SORL1: variants seen among roughly 807,000 people sequenced by gnomAD.
SORL1 encodes sortilin related receptor 1, also known as sortilin-related receptor.
Under a neutral mutation model 273.7 loss-of-function variants are expected in SORL1, and 127 were observed. That is an observed-to-expected ratio of 0.46 (90% CI 0.40 to 0.54). The LOEUF is 0.54. Among genes scored for constraint, SORL1 ranks in the 20% least tolerant of loss-of-function variants. The pLI, the probability that SORL1 is intolerant of heterozygous loss-of-function variation, is 0.00. For synonymous variants in SORL1, 1,031 were observed against 1,067.4 expected (o/e 0.97, Z 0.66); for missense variants, 2,494 against 2,846.1 (o/e 0.88, Z 2.81).
At position 121,586,328 on chromosome 11, in the gene SORL1, C is replaced by A; in HGVS notation, c.3813C>A (p.Cys1271Ter). ...CTGATGGCTCCGATGAACAGCACTG[C>A]GGTGAGTTCATTCCTTGCCCCCAGG... ...DCSDGSDEQH[C>*]EPLCTHFMDF... Residue 1271 changes from cysteine to a stop codon, truncating the protein, a stop_gained and splice_region_variant, in exon 27 of 48, where the codon TGC (cysteine) becomes TGA (stop). Transcript: ENST00000260197. LOFTEE classifies it high-confidence loss of function. 6.2e-7 allele frequency: 1 copy of A among 1,609,586 alleles called. No homozygotes were observed.
intron 22 of SORL1, among the ~76,000 whole-genome samples, chr11:121,567,897 T>TA (rs545393578): frequency 6.0e-4 from 92 of 152,240 alleles, no homozygotes; most frequent in African/African-American, 1.5e-3. Flanking sequence ...GCCTTTTTTT[T>TA]TATATATATT....
At chr11:121,504,452 T>A (rs1010742272) in intron 6 of SORL1, among the ~76,000 whole-genome samples, 10 of 152,216 alleles carry the variant, frequency 6.6e-5, no homozygotes, top group African/African-American at 2.4e-4. Flanking sequence ...GGCTCCATTG[T>A]AAATGGTTCT....
chr11:121,539,190 A>G (rs1862310403), intron 12 of SORL1, among the ~76,000 whole-genome samples: 2 of 152,194 alleles, frequency 1.3e-5, no homozygotes, highest in Admixed American at 6.5e-5. Context: ...CGTGGTCCAC[A>G]AAGATCTTCA....
chr11:121,621,090 C>T lies in SORL1; in HGVS notation c.5916C>T (p.Leu1972=). The change falls in exon 44 of 48, where the codon CTC becomes CTT. Residue 1972 remains leucine (L), a synonymous_variant. Coordinates refer to ENST00000260197, the MANE Select transcript of SORL1 (RefSeq NM_003105.6). ...TGTATGCAGTTGCAGTCAAAGATCT[C>T]ATAAGAAAGACTGACAGGAGCTACA... is the stretch of plus-strand genomic sequence containing the variant. The part of the protein sequence containing the change: ...DLLYAVAVKD[L]IRKTDRSYKV... The T allele has an allele frequency of 6.2e-7, 1 of 1,612,116 alleles. No individual in the cohort carries two copies.
intron 36 of SORL1, 82 bp from the exon 37 acceptor site, chr11:121,607,104 C>G (rs1329540699): frequency 9.6e-7 from 1 of 1,045,122 alleles, no homozygotes; most frequent in Non-Finnish European, 1.5e-6. Context: ...CATCTTTTCT[C>G]TCCTCCAGCC....
intron 1 of SORL1, among the ~76,000 whole-genome samples, chr11:121,467,810 A>G (rs1037924442): frequency 2.0e-5 from 3 of 152,008 alleles, no homozygotes; most frequent in Non-Finnish European, 4.4e-5. Context: ...ATTTACTTCT[A>G]TTTCTTATTT....
At chr11:121,538,474 A>G (rs957744509) in intron 12 of SORL1, among the ~76,000 whole-genome samples, 2 of 152,144 alleles carry the variant, frequency 1.3e-5, no homozygotes, top group Admixed American at 1.3e-4. Context: ...GAGATTTATC[A>G]ATCTTTTAAC....
chr11:121,545,352 C>T lies in SORL1; in HGVS notation c.1974C>T (p.Ala658=). The part of the protein sequence containing the change: ...KTVFKRRTPH[A]TCFNGEDFDR... ...TTTTCAAACGGCGGACCCCCCATGC[C>T]ACATGCTTCAATGGAGAGGACTTTG... The change falls in exon 14 of 48, where the codon GCC becomes GCT. Residue 658 remains alanine, a synonymous_variant. Coordinates refer to ENST00000260197, the MANE Select transcript of SORL1 (RefSeq NM_003105.6). 4 of 1,614,172 alleles carry T rather than the reference C, an allele frequency of 2.5e-6. No individual in the cohort carries two copies. Among genetic ancestry groups the T allele is most frequent in the African/African-American group, 2.7e-5 (2 of 75,046 alleles).
chr11:121,533,836 C>G (rs1262001731), intron 12 of SORL1, among the ~76,000 whole-genome samples: 5 of 152,088 alleles, frequency 3.3e-5, no homozygotes, highest in Admixed American at 2.0e-4. Flanking sequence ...TGGCTGTTCT[C>G]TGTTCTGTGT....
rs146054968 is a variant in SORL1 at position 121,627,631 on chromosome 11, A to G, written c.6441A>G (p.Ile2147Met). 48 of 1,614,026 alleles carry G rather than the reference A, an allele frequency of 3.0e-5. No homozygotes were observed. The highest frequency in any genetic ancestry group is 4.0e-5 in the Non-Finnish European group (47 of 1,180,026). The change falls in exon 47 of 48, where the codon ATA (isoleucine) becomes ATG (methionine). Residue 2147 changes from isoleucine to methionine, a missense_variant. Physicochemically the swap from Ile to Met is conservative, Grantham distance 10. Around this residue, in one of 3 missense-constraint regions of SORL1, gnomAD observed 1,609 missense variants for 1,816.4 expected, o/e 0.89. Transcript: ENST00000260197. The surrounding 1 kb of genome is among the most constrained non-coding windows in gnomAD (Gnocchi z 4.9). ...AAVVVPILFL[I>M]LLSLGVGFAI... is the part of the protein sequence containing the mutation. ...TGGTGGTGCCCATCTTATTCCTGAT[A>G]CTGCTGAGCCTGGGGGTGGGGTTTG... is the stretch of plus-strand genomic sequence containing the variant.
Position 121,550,737 on chromosome 11 carries a change from C to A in SORL1, c.2266+67C>A. The A allele has an allele frequency of 1.6e-6, 2 of 1,261,406 alleles. No individual in the cohort carries two copies. Among genetic ancestry groups the A allele is most frequent in the Non-Finnish European group, 2.3e-6 (2 of 883,540 alleles). The allele number at this position is 1,261,406 out of a possible 1,614,324, so 78.1% of individuals were successfully genotyped here. A position where few individuals can be genotyped will look rare whatever the true frequency, so the allele number is the denominator to read the frequency against. Reference sequence around the variant, plus strand: ...GTTGAAGCAGTATCACGATCTCACCCAAGTCCGGGCTTGTGGCTCCTTTAA... The same window carrying A: ...GTTGAAGCAGTATCACGATCTCACCAAAGTCCGGGCTTGTGGCTCCTTTAA... On this transcript the variant is annotated intron_variant, in intron 16 of 47. Coordinates refer to ENST00000260197, the MANE Select transcript of SORL1 (RefSeq NM_003105.6). The surrounding 1 kb of genome is among the most constrained non-coding windows in gnomAD (Gnocchi z 5.3).
intron 3 of SORL1, 23 bp downstream of exon 3, chr11:121,478,266 T>C (rs773926816): frequency 1.9e-6 from 3 of 1,609,840 alleles, no homozygotes; most frequent in Non-Finnish European, 2.5e-6. Flanking sequence ...CCATCCCTCC[T>C]GTCCCGACTT....
intron 23 of SORL1, among the ~76,000 whole-genome samples, chr11:121,573,264 T>C (rs943249579): frequency 3.9e-5 from 6 of 152,226 alleles, no homozygotes; most frequent in African/African-American, 1.4e-4. Flanking sequence ...TTCATAATAA[T>C]GCTACCAAGT....
intron 5 of SORL1, 115 bp from the exon 6 acceptor site, chr11:121,496,753 CT>C: frequency 1.3e-6 from 1 of 776,078 alleles, no homozygotes; most frequent in Non-Finnish European, 2.0e-6. Flanking sequence ...AGAGTATGAT[CT>C]GTGGGTCACA....
chr11:121,478,037 A>G (rs1405752335), intron 2 of SORL1, 81 bp from the exon 3 acceptor site: 31 of 493,444 alleles, frequency 6.3e-5, no homozygotes, highest in Non-Finnish European at 9.0e-5. Context: ...AGTCTCAAAA[A>G]AAAAAAAAAA....
Position 121,452,814 on chromosome 11 carries a change from G to C in SORL1, c.285+198G>C, listed in dbSNP as rs1181326894. On this transcript the variant is annotated intron_variant, in intron 1 of 47. Coordinates refer to ENST00000260197, the MANE Select transcript of SORL1 (RefSeq NM_003105.6). This position sits in a 1 kb window ranked among gnomAD's most constrained non-coding sequence, Gnocchi z 5.3. The stretch of plus-strand genomic sequence containing the variant: ...ATCTTTCCTTCTTCCTGTCGATTTA[G>C]TAAACGTATTCCAGGTAACTCGCCG... 6.8e-5 allele frequency: 34 copies of C among 501,744 alleles called. 1 individual carries two copies. The South Asian group carries it at 8.4e-4, about 12-fold the overall frequency. 31.1% of individuals were successfully genotyped at this position (501,744 alleles called of 1,614,324 possible).
chr11:121,494,773 G>T (rs1294010678), intron 5 of SORL1, among the ~76,000 whole-genome samples: 1 of 152,104 alleles, frequency 6.6e-6, no homozygotes, highest in African/African-American at 2.4e-5. Context: ...GGCTAGGAAG[G>T]AATAATAGAG....
In SORL1 at chr11:121,573,942, G is replaced by C. The variant is rs185819803; in HGVS notation, c.3338-299G>C. Among the ~76,000 whole-genome samples the C allele has an allele frequency of 2.5e-4, 38 of 152,272 alleles. No homozygotes were observed. The East Asian group carries it at 7.3e-3, about 29-fold the overall frequency. On this transcript the variant is annotated intron_variant, in intron 23 of 47. Transcript: ENST00000260197. ...AGGAAGACACTTTTCGCGTCTGAAG[G>C]GATCTTAGGAGGTCACCTAGCCTGT... is the stretch of plus-strand genomic sequence containing the variant.
rs777258761 is a variant in SORL1, at chr11:121,589,344, C to T, written c.4032C>T (p.Cys1344=). The T allele has an allele frequency of 8.1e-6, 13 of 1,613,660 alleles. No homozygotes were observed. The highest frequency in any genetic ancestry group is 3.3e-5 in the Admixed American group (2 of 59,994). Residue 1344 remains cysteine (C), a synonymous_variant, in exon 29 of 48, where the codon TGC becomes TGT. Coordinates refer to ENST00000260197, the MANE Select transcript of SORL1 (RefSeq NM_003105.6). ...TGTGCATCAGTTTGATTTGGAAGTG[C>T]GACGGGATGGATGATTGCGGCGATT... ...NGVCISLIWK[C]DGMDDCGDYS...
Sources: gnomAD v4.1 joint callset for allele counts (sites outside exome capture counted in the v4.1 genomes callset) on GRCh38, gnomAD v4.1.1 for gene constraint, gnomAD v4.1.1 regional missense constraint, Gnocchi (gnomAD v3.1) non-coding constraint, MANE v1.5 for transcripts, NCBI Gene and HGNC (gene_info 2026-07-23, HGNC 2026-07-21) for gene names.